The following GPR176 variants were observed in gnomAD, a reference collection of about 807,000 sequenced individuals.
GPR176 encodes G protein-coupled receptor 176.
In GPR176, 26 loss-of-function variants were observed where a neutral mutation model predicts 35.4. That is an observed-to-expected ratio of 0.74 (90% CI 0.54 to 1.02). The LOEUF is 1.02. Ranked by LOEUF, GPR176 falls within the 50% of genes least tolerant of loss-of-function variation. The pLI is 0.00. For synonymous variants in GPR176, 278 were observed against 271.3 expected (o/e 1.02, Z -0.24); for missense variants, 597 against 665.3 (o/e 0.90, Z 1.13).
intron 1 of GPR176, among the ~76,000 whole-genome samples, chr15:39,819,575 T>C (rs902145996): frequency 6.6e-6 from 1 of 152,206 alleles, no homozygotes; most frequent in African/African-American, 2.4e-5. Context: ...ACCAACAAGC[T>C]GAATGTTTAC....
chr15:39,867,324 A>G (rs1319711268), intron 1 of GPR176, among the ~76,000 whole-genome samples: 1 of 125,148 alleles, frequency 8.0e-6, no homozygotes, highest in South Asian at 2.7e-4. Flanking sequence ...ATGGGACCAC[A>G]GAAAAGGAAA....
At chr15:39,886,685 T>C (rs2032687264) in intron 1 of GPR176, among the ~76,000 whole-genome samples, 1 of 152,238 alleles carries the variant, frequency 6.6e-6, no homozygotes, top group South Asian at 2.1e-4. Context: ...ATTATGCAAA[T>C]GTTCCGGTTC....
Position 39,804,260 on chromosome 15 carries a change from G to A in GPR176, c.426-2006C>T, listed in dbSNP as rs562397350. On this transcript the variant is annotated intron_variant, in intron 2 of 2. Coordinates refer to ENST00000561100, the MANE Select transcript of GPR176 (RefSeq NM_007223.3). Reference sequence around the variant, plus strand: ...ATGCAAGAAGTGTAGATGACCTCCCGATGAACTTGCTGACTTAGTACCATG... The same window carrying A: ...ATGCAAGAAGTGTAGATGACCTCCCAATGAACTTGCTGACTTAGTACCATG... Among the ~76,000 whole-genome samples the A allele has an allele frequency of 9.2e-5, 14 of 151,856 alleles. 1 individual carries two copies. The highest frequency in any genetic ancestry group is 2.9e-4 in the African/African-American group (12 of 41,410).
At chr15:39,837,993 T>TAAAAAAAA (rs5812142) in intron 1 of GPR176, among the ~76,000 whole-genome samples, 4 of 124,502 alleles carry the variant, frequency 3.2e-5, no homozygotes, top group Non-Finnish European at 3.4e-5. Context: ...CTCCATTAAT[T>TAAAAAAAA]AAAAAAAAAA....
intron 1 of GPR176, among the ~76,000 whole-genome samples, chr15:39,917,627 C>T (rs958701612): frequency 2.0e-5 from 3 of 151,966 alleles, no homozygotes; most frequent in Middle Eastern, 3.2e-3. Flanking sequence ...TGAGCCACCA[C>T]GCCAAGCCCA....
At chr15:39,895,289 A>AAGAGCG (rs1566966000) in intron 1 of GPR176, among the ~76,000 whole-genome samples, 1 of 87,292 alleles carries the variant, frequency 1.1e-5, no homozygotes, top group Non-Finnish European at 2.4e-5. Flanking sequence ...TGGGGAGAGG[A>AAGAGCG]AGAGGGGGAG....
chr15:39,914,007 C>T (rs913573312), intron 1 of GPR176, among the ~76,000 whole-genome samples: 2 of 152,138 alleles, frequency 1.3e-5, no homozygotes, highest in Non-Finnish European at 2.9e-5. Flanking sequence ...GATAGCGCCA[C>T]CGCACTCCAG....
chr15:39,842,368 G>A (rs138464509), intron 1 of GPR176, among the ~76,000 whole-genome samples: 8 of 152,116 alleles, frequency 5.3e-5, no homozygotes, highest in South Asian at 2.1e-4. Context: ...AGCATTAGGC[G>A]GATGGTGCTA....
At chr15:39,852,305 G>A (rs930890091) in intron 1 of GPR176, among the ~76,000 whole-genome samples, 2 of 152,092 alleles carry the variant, frequency 1.3e-5, no homozygotes, top group Non-Finnish European at 2.9e-5. Context: ...CTTTCCCTCT[G>A]AGCCCAGTAT....
chr15:39,802,006 A>T lies in GPR176; in HGVS notation c.674T>A (p.Leu225Ter). Residue 225 changes from leucine (L) to a stop codon, truncating the protein, a stop_gained, in exon 3 of 3, where the codon TTG (leucine) becomes TAG (stop). Coordinates refer to ENST00000561100, the MANE Select transcript of GPR176 (RefSeq NM_007223.3). LOFTEE classifies it high-confidence loss of function. ...ACTCAGGGCCCGTCGGATCAGTATC[A>T]AGAAGAGGAACACCACCACCACAGG... Reference protein sequence around the residue: ...IVPVVVVFLFLILIRRALSAS... With the variant: ...IVPVVVVFLF 2 of 1,614,080 alleles carry T rather than the reference A, an allele frequency of 1.2e-6. No homozygotes were observed. Among genetic ancestry groups the T allele is most frequent in the Non-Finnish European group, 1.7e-6 (2 of 1,180,014 alleles).
chr15:39,893,645 G>A (rs1362296522), intron 1 of GPR176, among the ~76,000 whole-genome samples: 5 of 151,816 alleles, frequency 3.3e-5, no homozygotes, highest in African/African-American at 4.8e-5. Context: ...GGTGGTGGCC[G>A]GGCAGAGGGG....
rs1898792516 is a variant in GPR176 at position 39,800,670 on chromosome 15, A to G, written c.*462T>C. 1.3e-5 allele frequency: 2 copies of G among 159,344 alleles called. No homozygotes were observed. The highest frequency in any genetic ancestry group is 3.5e-4 in the South Asian group (2 of 5,676). 9.9% of individuals were successfully genotyped at this position (159,344 alleles called of 1,614,324 possible). ...ACCTTCTCAACAGAAAATGTTTGAC[A>G]TGTTTAAGTTCATCAAACAGGCATT... On this transcript the variant is annotated 3_prime_UTR_variant, in exon 3 of 3. Transcript: ENST00000561100.
chr15:39,897,695 G>A (rs1273792477), intron 1 of GPR176, among the ~76,000 whole-genome samples: 2 of 140,598 alleles, frequency 1.4e-5, no homozygotes, highest in South Asian at 4.5e-4. Flanking sequence ...CTCACTGCAA[G>A]CTCTGCTTCC....
At chr15:39,848,915 T>TAAAAAAAAAAAAACCAAAAAAAAAA (rs2030644818) in intron 1 of GPR176, among the ~76,000 whole-genome samples, 1 of 84,858 alleles carries the variant, frequency 1.2e-5, no homozygotes, top group Non-Finnish European at 2.6e-5. Flanking sequence ...AAAAGCAAAG[T>TAAAAAAAAAAAAACCAAAAAAAAAA]AAAAAAAAAA....
At chr15:39,919,432 A>G (rs12911566) in intron 1 of GPR176, among the ~76,000 whole-genome samples, 26,695 of 152,210 alleles carry the variant, frequency 0.18, 2,458 homozygotes, top group Middle Eastern at 0.33. Context: ...ATTTCGAGAT[A>G]TATATGGAAA....
At chr15:39,861,298 T>A (rs1025066717) in intron 1 of GPR176, among the ~76,000 whole-genome samples, 8 of 152,166 alleles carry the variant, frequency 5.3e-5, no homozygotes, top group African/African-American at 1.7e-4. Flanking sequence ...ACACCTGTAA[T>A]CCCAGCACTT....
intron 1 of GPR176, among the ~76,000 whole-genome samples, chr15:39,842,963 GCTC>G (rs2030132413): frequency 1.3e-5 from 2 of 151,800 alleles, no homozygotes; most frequent in Non-Finnish European, 2.9e-5. Context: ...TTCATCCCCA[GCTC>G]AGCAACTTCT....
At chr15:39,830,655 G>A (rs1206159422) in intron 1 of GPR176, among the ~76,000 whole-genome samples, 1 of 152,228 alleles carries the variant, frequency 6.6e-6, no homozygotes, top group African/African-American at 2.4e-5. Flanking sequence ...TACTCTGTGT[G>A]CTAAATGTTA....
chr15:39,914,589 C>G (rs1003305922), intron 1 of GPR176, among the ~76,000 whole-genome samples: 1 of 152,134 alleles, frequency 6.6e-6, no homozygotes, highest in Non-Finnish European at 1.5e-5. Context: ...GGATTACAGG[C>G]ATGAGCCACC....
Sources: allele counts gnomAD v4.1 joint callset (sites outside exome capture counted in the v4.1 genomes callset), GRCh38; gene constraint gnomAD v4.1.1; transcripts MANE v1.5; gene names NCBI Gene and HGNC (gene_info 2026-07-23, HGNC 2026-07-21).